The following CBFA2T2 variants were observed in gnomAD, a reference collection of about 807,000 sequenced individuals.
CBFA2T2 encodes protein CBFA2T2.
A neutral mutation model predicts 62.2 loss-of-function variants in CBFA2T2; 11 were observed. That is an observed-to-expected ratio of 0.18 (90% CI 0.11 to 0.29). CBFA2T2 has a LOEUF of 0.29. Among genes scored for constraint, CBFA2T2 ranks in the 10% least tolerant of loss-of-function variants. CBFA2T2 has a pLI of 1.00. For missense variants in CBFA2T2, 592 were observed against 774.1 expected, an observed-to-expected ratio of 0.76 and a Z score of 2.79; for synonymous variants, 295 against 287.5, an observed-to-expected ratio of 1.03 and a Z score of -0.27.
intron 1 of CBFA2T2, among the ~76,000 whole-genome samples, chr20:33,573,243 A>G (rs568114238): frequency 2.6e-5 from 4 of 152,302 alleles, no homozygotes; most frequent in Non-Finnish European, 5.9e-5. Context: ...ATATATATGT[A>G]GCCTAAAATG....
intron 1 of CBFA2T2, among the ~76,000 whole-genome samples, chr20:33,514,206 G>GTT (rs1196003433): frequency 0.17 from 8,847 of 53,378 alleles, 2,931 homozygotes; most frequent in East Asian, 0.33. Flanking sequence ...CCCTGCCTTT[G>GTT]TTTTTTTTTT....
intron 1 of CBFA2T2, among the ~76,000 whole-genome samples, chr20:33,496,535 G>T (rs2146843532): frequency 6.6e-6 from 1 of 152,230 alleles, no homozygotes; most frequent in East Asian, 1.9e-4. Flanking sequence ...TGTCGAGAAA[G>T]GTATATAATC....
intron 1 of CBFA2T2, among the ~76,000 whole-genome samples, chr20:33,602,596 A>G (rs1358484462): frequency 2.0e-5 from 3 of 151,682 alleles, no homozygotes; most frequent in African/African-American, 7.3e-5. Context: ...ATGTTCCAAG[A>G]CCTCCGGTGG....
At chr20:33,582,938 T>TA (rs1179723293) in intron 1 of CBFA2T2, among the ~76,000 whole-genome samples, 2,612 of 140,918 alleles carry the variant, frequency 0.019, 71 homozygotes, top group African/African-American at 0.059. Context: ...CAAGACAGTC[T>TA]AAAAAAAAAA....
In CBFA2T2 at chr20:33,624,869, G is replaced by A; in HGVS notation, c.798G>A (p.Val266=). The A allele has an allele frequency of 6.2e-7, 1 of 1,614,084 alleles. No individual in the cohort carries two copies. Among genetic ancestry groups the A allele is most frequent in the Non-Finnish European group, 8.5e-7 (1 of 1,180,016 alleles). The stretch of plus-strand genomic sequence containing the variant: ...CTCGGCACAGTCCTGCTCTCACTGT[G>A]CCCCTCATGAATCCCGGGGGCCAAT... ...PAPRHSPALT[V]PLMNPGGQFH... is the part of the protein sequence containing the mutation. Residue 266 remains valine (V), a synonymous_variant, in exon 6 of 11, where the codon GTG becomes GTA. Coordinates refer to ENST00000342704, the MANE Select transcript of CBFA2T2 (RefSeq NM_001032999.3).
rs1454484834 is a variant in CBFA2T2 at position 33,509,866 on chromosome 20, A to G, written c.34+19565A>G. Among the ~76,000 whole-genome samples, 9 of 151,694 alleles carry G rather than the reference A, an allele frequency of 5.9e-5. No individual in the cohort carries two copies. In the East Asian group the frequency reaches 1.7e-3, roughly 29 times the overall value. On this transcript the variant is annotated intron_variant, in intron 1 of 10. Coordinates refer to ENST00000342704, the MANE Select transcript of CBFA2T2 (RefSeq NM_001032999.3). ...TACAAGTTCTAGGGTACATGTGCACAATGTGCAGTTTTGTTACATAGGTAT... is the reference window on the plus strand; with the variant it reads ...TACAAGTTCTAGGGTACATGTGCACGATGTGCAGTTTTGTTACATAGGTAT...
intron 1 of CBFA2T2, among the ~76,000 whole-genome samples, chr20:33,516,577 G>C (rs916480171): frequency 5.3e-5 from 8 of 152,264 alleles, no homozygotes; most frequent in African/African-American, 1.4e-4. Context: ...TTCGAGACCA[G>C]CCTGACCAAC....
At position 33,648,911 on chromosome 20, in the gene CBFA2T2, G is replaced by GGTAT. The variant is rs2017146136; in HGVS notation, c.*4266_*4269dup. 6.6e-6 allele frequency: 1 copy of GGTAT among 152,058 alleles called. No individual in the cohort carries two copies. Among genetic ancestry groups the GGTAT allele is most frequent in the African/African-American group, 2.4e-5 (1 of 41,396 alleles). The allele number at this position is 152,058 out of a possible 1,614,324, so 9.4% of individuals were successfully genotyped here. On this transcript the variant is annotated 3_prime_UTR_variant, in exon 11 of 11. Coordinates refer to ENST00000342704, the MANE Select transcript of CBFA2T2 (RefSeq NM_001032999.3). ...CTCGGCTTGTCACCTGCTTGCAAAG[G>GGTAT]GTATAGACATCATTCTGGGTAGTTC...
At chr20:33,561,432 T>C (rs1038396492) in intron 1 of CBFA2T2, among the ~76,000 whole-genome samples, 2 of 152,252 alleles carry the variant, frequency 1.3e-5, no homozygotes, top group African/African-American at 2.4e-5. Flanking sequence ...CAGGAAGTTA[T>C]AATGAAAAAT....
At chr20:33,574,177 G>T in intron 1 of CBFA2T2, 1 of 1,611,442 alleles carries the variant, frequency 6.2e-7, no homozygotes, top group South Asian at 1.1e-5. Context: ...TCATCTTTTG[G>T]AACATAAGCA....
intron 1 of CBFA2T2, among the ~76,000 whole-genome samples, chr20:33,507,834 G>A (rs566560131): frequency 1.3e-5 from 2 of 152,188 alleles, no homozygotes; most frequent in African/African-American, 4.8e-5. Context: ...AGAACTGCTG[G>A]GGTTAAGGGG....
At position 33,644,505 on chromosome 20, in the gene CBFA2T2, G is replaced by A. The variant is rs45477293; in HGVS notation, c.1647G>A (p.Pro549=). The change falls in exon 11 of 11, where the codon CCG becomes CCA. Residue 549 remains proline (P), a synonymous_variant. Coordinates refer to ENST00000342704, the MANE Select transcript of CBFA2T2 (RefSeq NM_001032999.3). ...HGQSPHGQGR[P]LLPVGRGSSA... is the part of the protein sequence containing the mutation. The stretch of plus-strand genomic sequence containing the variant: ...AGAGCCCCCACGGCCAGGGCCGGCC[G>A]CTGCTTCCTGTAGGCAGGGGCTCCT... 2.6e-4 allele frequency: 427 copies of A among 1,614,000 alleles called. No individual in the cohort carries two copies. The highest frequency in any genetic ancestry group is 3.2e-4 in the Non-Finnish European group (381 of 1,180,018).
At chr20:33,611,542 G>GTCTT (rs2015529392) in intron 3 of CBFA2T2, among the ~76,000 whole-genome samples, 1 of 151,502 alleles carries the variant, frequency 6.6e-6, no homozygotes, top group African/African-American at 2.4e-5. Context: ...TTTTTTGAGG[G>GTCTT]TCTTACTGTG....
intron 1 of CBFA2T2, among the ~76,000 whole-genome samples, chr20:33,524,090 C>T (rs1300060847): frequency 8.0e-5 from 12 of 150,854 alleles, no homozygotes; most frequent in African/African-American, 2.9e-4. Flanking sequence ...TTTGTTTTCT[C>T]GTTTTTTAGA....
Position 33,573,514 on chromosome 20 carries a change from C to T in CBFA2T2, c.35-33442C>T, listed in dbSNP as rs541328435. On this transcript the variant is annotated intron_variant, in intron 1 of 10. Transcript: ENST00000342704. ...TTTTTTCTTTTGAGATGGAGTCTCG[C>T]TCTATCGCCCAGGCTGAAGTGCAGT... is the stretch of plus-strand genomic sequence containing the variant. Among the ~76,000 whole-genome samples, 13 of 151,726 alleles carry T rather than the reference C, an allele frequency of 8.6e-5. No homozygotes were observed. The East Asian group carries it at 1.7e-3, about 20-fold the overall frequency.
At chr20:33,564,279 T>TC (rs1480942391) in intron 1 of CBFA2T2, among the ~76,000 whole-genome samples, 1 of 150,004 alleles carries the variant, frequency 6.7e-6, no homozygotes, top group East Asian at 1.9e-4. Flanking sequence ...TTTTTTTTTT[T>TC]CCGAGATGGA....
intron 1 of CBFA2T2, among the ~76,000 whole-genome samples, chr20:33,592,339 G>T (rs1039590221): frequency 1.4e-5 from 2 of 143,010 alleles, no homozygotes; most frequent in Non-Finnish European, 3.0e-5. Context: ...CTCCAGCCTG[G>T]GTGACAAGAA....
At chr20:33,553,315 C>T (rs1401996419) in intron 1 of CBFA2T2, among the ~76,000 whole-genome samples, 1 of 152,202 alleles carries the variant, frequency 6.6e-6, no homozygotes, top group Non-Finnish European at 1.5e-5. Flanking sequence ...CAGCCTCCAC[C>T]TCCCGGGTTC....
At chr20:33,542,823 G>A (rs1434967334) in intron 1 of CBFA2T2, among the ~76,000 whole-genome samples, 1 of 151,696 alleles carries the variant, frequency 6.6e-6, no homozygotes, top group Non-Finnish European at 1.5e-5. Flanking sequence ...AGGCATATGC[G>A]GCCACACCTG....
Sources: gnomAD v4.1 joint callset for allele counts (sites outside exome capture counted in the v4.1 genomes callset) on GRCh38, gnomAD v4.1.1 for gene constraint, MANE v1.5 for transcripts, NCBI Gene and HGNC (gene_info 2026-07-23, HGNC 2026-07-21) for gene names.